DCUN1D4: variants seen among roughly 807,000 people sequenced by gnomAD.
DCUN1D4 encodes the protein defective in cullin neddylation 1 domain containing 4.
A neutral mutation model predicts 47.9 loss-of-function variants in DCUN1D4; 22 were observed. The ratio of observed to expected loss-of-function variants is 0.46; its 90% CI spans 0.33 to 0.66. The LOEUF is 0.66. DCUN1D4 is among the 30% of genes least tolerant of loss of function. The pLI, the probability that DCUN1D4 is intolerant of heterozygous loss-of-function variation, is 0.02. For synonymous variants in DCUN1D4, 121 were observed against 112.2 expected (o/e 1.08, Z -0.50); for missense variants, 301 against 340.8 (o/e 0.88, Z 0.92).
At position 51,881,927 on chromosome 4, in the gene DCUN1D4, G is replaced by T. The variant is rs575947847; in HGVS notation, c.343+4073G>T. Among the ~76,000 whole-genome samples the T allele has an allele frequency of 6.6e-5, 10 of 152,248 alleles. No homozygotes were observed. In the East Asian group the frequency reaches 1.9e-3, roughly 29 times the overall value. ...TCACGCCTGTAATTCCAACAATTTG[G>T]GAGGCTGAGGTAGGAGGATCGTTTG... On this transcript the variant is annotated intron_variant, in intron 5 of 10. Coordinates refer to ENST00000334635, the MANE Select transcript of DCUN1D4 (RefSeq NM_001040402.3).
rs550876067 is a variant in DCUN1D4, at chr4:51,913,519, T to C, written c.824-10T>C. 8 of 1,611,464 alleles carry C rather than the reference T, an allele frequency of 5.0e-6. No individual in the cohort carries two copies. The South Asian group carries it at 8.8e-5, about 18-fold the overall frequency. Reference sequence around the variant, plus strand: ...ATTATTATTACTACTGTTTCTCTCTTTCTCTCCAGGGCCAGTTTTGTTGGA... The same window carrying C: ...ATTATTATTACTACTGTTTCTCTCTCTCTCTCCAGGGCCAGTTTTGTTGGA... On this transcript the variant is annotated splice_polypyrimidine_tract_variant and intron_variant, in intron 10 of 10. Coordinates refer to ENST00000334635, the MANE Select transcript of DCUN1D4 (RefSeq NM_001040402.3).
the DCUN1D4 span, among the ~76,000 whole-genome samples, chr4:51,835,865 C>G: frequency 1.3e-5 from 2 of 152,160 alleles, no homozygotes; most frequent in Non-Finnish European, 2.9e-5. Flanking sequence ...GAGATGAAAT[C>G]TATTCTTGGC....
chr4:51,846,277 A>G (rs1171607676), intron 1 of DCUN1D4, among the ~76,000 whole-genome samples: 1 of 152,068 alleles, frequency 6.6e-6, no homozygotes, highest in Non-Finnish European at 1.5e-5. Flanking sequence ...ATTTAAACAG[A>G]TGTTTCTTAC....
In DCUN1D4 at chr4:51,862,471, T is replaced by C. The variant is rs144604093; in HGVS notation, c.26-966T>C. Among the ~76,000 whole-genome samples, 452 of 152,322 alleles carry C rather than the reference T, an allele frequency of 3.0e-3. 1 individual carries two copies. The highest frequency in any genetic ancestry group is 6.8e-3 in the Middle Eastern group (2 of 294). On this transcript the variant is annotated intron_variant, in intron 1 of 10. Transcript: ENST00000334635. ...ATCTGTTCTTTGGATCTGATACGTG[T>C]CCTAAATAAAATGTTTCAGTAAAGG...
chr4:51,848,492 C>T (rs1722892878), intron 1 of DCUN1D4: 2 of 711,974 alleles, frequency 2.8e-6, no homozygotes, highest in East Asian at 1.3e-4. Context: ...AGTCTTTCTT[C>T]AGATTTACAG....
chr4:51,848,403 T>C, intron 1 of DCUN1D4: 1 of 1,082,402 alleles, frequency 9.2e-7, no homozygotes, highest in Non-Finnish European at 1.1e-6. Context: ...TTTGTCCTTT[T>C]CCCTTCTTTT....
At chr4:51,880,269 G>A (rs1728365186) in intron 5 of DCUN1D4, among the ~76,000 whole-genome samples, 1 of 152,180 alleles carries the variant, frequency 6.6e-6, no homozygotes, top group South Asian at 2.1e-4. Flanking sequence ...GGAACAGGCT[G>A]TGATGCCACA....
chr4:51,853,407 T>G (rs1723656256), intron 1 of DCUN1D4, among the ~76,000 whole-genome samples: 2 of 152,212 alleles, frequency 1.3e-5, no homozygotes, highest in Admixed American at 6.5e-5. Context: ...CTTCCTCACC[T>G]GCTACTTTCA....
intron 5 of DCUN1D4, among the ~76,000 whole-genome samples, chr4:51,882,760 C>G (rs979547617): frequency 1.3e-5 from 2 of 151,826 alleles, no homozygotes; most frequent in Non-Finnish European, 2.9e-5. Flanking sequence ...GTGCCAGACT[C>G]CATTTCAAAA....
intron 1 of DCUN1D4, among the ~76,000 whole-genome samples, chr4:51,861,615 A>G (rs1001804273): frequency 1.3e-5 from 2 of 152,188 alleles, no homozygotes; most frequent in African/African-American, 4.8e-5. Context: ...GCTTTTGGCA[A>G]GCCCCTTTTT....
At chr4:51,878,988 A>G (rs566751041) in intron 5 of DCUN1D4, among the ~76,000 whole-genome samples, 242 of 152,330 alleles carry the variant, frequency 1.6e-3, no homozygotes, top group African/African-American at 5.3e-3. Context: ...AGGCCAGGCC[A>G]GTCAGACAAA....
chr4:51,880,348 A>G (rs1409566980), intron 5 of DCUN1D4, among the ~76,000 whole-genome samples: 1 of 152,206 alleles, frequency 6.6e-6, no homozygotes. Flanking sequence ...TCCGTAGAAG[A>G]GAGCAGGCTG....
At chr4:51,888,048 T>A (rs1191519618) in intron 6 of DCUN1D4, among the ~76,000 whole-genome samples, 2 of 152,094 alleles carry the variant, frequency 1.3e-5, no homozygotes, top group African/African-American at 4.8e-5. Context: ...TACATTGAAT[T>A]TAAGAAGGAA....
At chr4:51,850,373 C>T (rs1382578742) in intron 1 of DCUN1D4, among the ~76,000 whole-genome samples, 1 of 152,088 alleles carries the variant, frequency 6.6e-6, no homozygotes, top group East Asian at 1.9e-4. Context: ...ACATGCAGGG[C>T]TCGGGTTTTC....
chr4:51,904,052 T>A (rs1732510595), intron 8 of DCUN1D4, among the ~76,000 whole-genome samples: 1 of 152,164 alleles, frequency 6.6e-6, no homozygotes, highest in East Asian at 1.9e-4. Context: ...TTTTTTTAAT[T>A]GGAGCTGGAT....
upstream of DCUN1D4, among the ~76,000 whole-genome samples, chr4:51,841,750 C>T (rs1441941925): frequency 6.6e-6 from 1 of 151,978 alleles, no homozygotes; most frequent in Non-Finnish European, 1.5e-5. Flanking sequence ...TTCCAAATAG[C>T]ATAACATTTG....
intron 1 of DCUN1D4, 110 bp downstream of exon 1, chr4:51,843,377 C>T (rs1031048024): frequency 2.2e-6 from 3 of 1,376,564 alleles, no homozygotes; most frequent in Non-Finnish European, 2.8e-6. Context: ...GCGCCGGGAG[C>T]CCCTGCCTGG....
At chr4:51,844,039 A>AG (rs1722073055) in intron 1 of DCUN1D4, among the ~76,000 whole-genome samples, 1 of 132,464 alleles carries the variant, frequency 7.5e-6, no homozygotes, top group Non-Finnish European at 1.6e-5. Flanking sequence ...CAGGTGTGGA[A>AG]GGGTAGGGCG....
At chr4:51,853,471 T>C (rs1396516052) in intron 1 of DCUN1D4, among the ~76,000 whole-genome samples, 1 of 152,226 alleles carries the variant, frequency 6.6e-6, no homozygotes, top group Non-Finnish European at 1.5e-5. Flanking sequence ...TCCTGGACCT[T>C]GGCCTTTTCA....
Sources: gnomAD v4.1 joint callset for allele counts (sites outside exome capture counted in the v4.1 genomes callset) on GRCh38, gnomAD v4.1.1 for gene constraint, MANE v1.5 for transcripts, NCBI Gene and HGNC (gene_info 2026-07-23, HGNC 2026-07-21) for gene names.